Variants in PLCZ1 observed in about 807,000 individuals in gnomAD.
PLCZ1 encodes the protein phospholipase C zeta 1.
A neutral mutation model predicts 76.8 loss-of-function variants in PLCZ1; 64 were observed. That is an observed-to-expected ratio of 0.83 (90% CI 0.68 to 1.03). PLCZ1 has a LOEUF of 1.03. PLCZ1 is among the 50% of genes least tolerant of loss of function. The pLI is 0.00. For synonymous variants in PLCZ1, 248 were observed against 230.8 expected (o/e 1.07, Z -0.68); for missense variants, 751 against 713.7 (o/e 1.05, Z -0.60).
the PLCZ1 span, among the ~76,000 whole-genome samples, chr12:18,650,318 TCTCTCTCTCTC>T: frequency 9.5e-6 from 1 of 105,446 alleles, no homozygotes; most frequent in Non-Finnish European, 1.9e-5. Flanking sequence ...TCTCTCTCTC[TCTCTCTCTCTC>T]TCTATATATA....
intron 3 of PLCZ1, among the ~76,000 whole-genome samples, chr12:18,724,548 G>T (rs1341492876): frequency 6.6e-6 from 1 of 152,060 alleles, no homozygotes; most frequent in Non-Finnish European, 1.5e-5. Flanking sequence ...TTGTGTCATG[G>T]TGGGATCTGT....
chr12:18,720,905 T>C (rs1462799252), intron 4 of PLCZ1, among the ~76,000 whole-genome samples: 1 of 152,096 alleles, frequency 6.6e-6, no homozygotes, highest in African/African-American at 2.4e-5. Flanking sequence ...AAGTAAATGT[T>C]ATGACATCAT....
At chr12:18,679,317 A>G (rs1054670824), downstream of PLCZ1, among the ~76,000 whole-genome samples, 1 of 152,018 alleles carries the variant, frequency 6.6e-6, no homozygotes, top group Non-Finnish European at 1.5e-5. Flanking sequence ...AATCAACTCT[A>G]TCATTTATTT....
the PLCZ1 span, among the ~76,000 whole-genome samples, chr12:18,646,911 G>GA: frequency 0.013 from 1,858 of 148,534 alleles, 32 homozygotes; most frequent in African/African-American, 0.044. Context: ...GATTCCTTTT[G>GA]AAAAAAAAAG....
chr12:18,691,262 TTAAG>T (rs1489313836), intron 12 of PLCZ1, among the ~76,000 whole-genome samples: 3 of 152,090 alleles, frequency 2.0e-5, no homozygotes, highest in Non-Finnish European at 4.4e-5. Context: ...TTGTTGACAT[TTAAG>T]TAAGAGCAGA....
At chr12:18,714,757 G>C (rs374166817) in intron 5 of PLCZ1, 1 of 152,110 alleles carries the variant, frequency 6.6e-6, no homozygotes, top group Non-Finnish European at 1.5e-5. Context: ...ACTGGAGATA[G>C]GGAGAGGTTT....
At chr12:18,737,312 T>C (rs1959467506) in intron 2 of PLCZ1, 49 bp downstream of exon 2, 1 of 1,573,604 alleles carries the variant, frequency 6.4e-7, no homozygotes, top group South Asian at 1.1e-5. Flanking sequence ...GTAAAGAGGA[T>C]AAGTAGGAGA....
At chr12:18,663,003 A>G in the PLCZ1 span, among the ~76,000 whole-genome samples, 4 of 152,286 alleles carry the variant, frequency 2.6e-5, no homozygotes, top group East Asian at 5.8e-4. Context: ...AAGTGCCTCC[A>G]TATCAGAAAT....
the PLCZ1 span, among the ~76,000 whole-genome samples, chr12:18,664,433 A>C: frequency 6.6e-6 from 1 of 152,338 alleles, no homozygotes; most frequent in Admixed American, 6.5e-5. Flanking sequence ...AATATTGTTC[A>C]GCATTGAAAG....
the PLCZ1 span, among the ~76,000 whole-genome samples, chr12:18,658,983 A>C: frequency 6.6e-6 from 1 of 152,170 alleles, no homozygotes; most frequent in Admixed American, 6.5e-5. Flanking sequence ...CATGCAAGGA[A>C]TAACTCATGC....
At chr12:18,657,797 T>C in the PLCZ1 span, among the ~76,000 whole-genome samples, 41 of 151,936 alleles carry the variant, frequency 2.7e-4, no homozygotes, top group East Asian at 7.4e-3. Flanking sequence ...GTGCAAATAA[T>C]AAGAAAGTAT....
chr12:18,684,064 G>A (rs764266421), intron 14 of PLCZ1, 66 bp downstream of exon 14: 2 of 1,541,294 alleles, frequency 1.3e-6, no homozygotes. Context: ...ATGTCAAAAT[G>A]TGTCTTTGAT....
At chr12:18,723,132 A>G (rs576560383) in intron 4 of PLCZ1, among the ~76,000 whole-genome samples, 179 bp downstream of exon 4, 1 of 152,218 alleles carries the variant, frequency 6.6e-6, no homozygotes, top group South Asian at 2.1e-4. Context: ...TGCATACTAT[A>G]GCATTCTAAA....
intron 5 of PLCZ1, among the ~76,000 whole-genome samples, chr12:18,718,925 G>A (rs1958266128): frequency 6.6e-6 from 1 of 152,152 alleles, no homozygotes; most frequent in African/African-American, 2.4e-5. Flanking sequence ...GCAATGCAAT[G>A]TGGATTATTT....
chr12:18,648,581 G>A, the PLCZ1 span, among the ~76,000 whole-genome samples: 1 of 151,810 alleles, frequency 6.6e-6, no homozygotes, highest in East Asian at 1.9e-4. Flanking sequence ...TTCAATTGTT[G>A]GAAGAAACTT....
intron 6 of PLCZ1, among the ~76,000 whole-genome samples, chr12:18,709,684 C>T (rs1957056523): frequency 6.6e-6 from 1 of 152,032 alleles, no homozygotes; most frequent in Non-Finnish European, 1.5e-5. Context: ...GACTTTGACA[C>T]CAGCCTCGAC....
Position 18,723,458 on chromosome 12 carries a change from T to C in PLCZ1, c.220A>G (p.Ile74Val). The C allele has an allele frequency of 1.9e-6, 3 of 1,613,120 alleles. No individual in the cohort carries two copies. Among genetic ancestry groups the C allele is most frequent in the Non-Finnish European group, 2.5e-6 (3 of 1,179,486 alleles). Residue 74 changes from isoleucine (I) to valine (V), a missense_variant, in exon 4 of 15, where the codon ATT becomes GTT. By Grantham distance (29) the Ile-to-Val change is conservative. Transcript: ENST00000266505. ...YRIITHREEI[I>V]EIFNTYSENR... is the part of the protein sequence containing the mutation. ...TCAGAATATGTGTTGAAAATCTCAA[T>C]AATTTCTTCTCTGTGCGTGATAATT...
chr12:18,682,292 C>T (rs539476512), downstream of PLCZ1, among the ~76,000 whole-genome samples: 3 of 152,128 alleles, frequency 2.0e-5, no homozygotes, highest in South Asian at 2.1e-4. Flanking sequence ...AAAGATATCA[C>T]GTGTTAGTAC....
the PLCZ1 span, among the ~76,000 whole-genome samples, chr12:18,653,086 A>C: frequency 6.6e-6 from 1 of 152,070 alleles, no homozygotes; most frequent in Non-Finnish European, 1.5e-5. Context: ...AAGACATCTC[A>C]AAAAGCACAG....
Sources: allele counts gnomAD v4.1 joint callset (sites outside exome capture counted in the v4.1 genomes callset), GRCh38; gene constraint gnomAD v4.1.1; transcripts MANE v1.5; gene names NCBI Gene and HGNC (gene_info 2026-07-23, HGNC 2026-07-21).